The following ATAD2 variants were observed in gnomAD, a reference collection of about 807,000 sequenced individuals.
The protein encoded by ATAD2 is ATPase family AAA domain-containing protein 2.
A neutral mutation model predicts 168.9 loss-of-function variants in ATAD2; 62 were observed. That is an observed-to-expected ratio of 0.37 (90% CI 0.30 to 0.45). ATAD2 has a LOEUF of 0.45. Ranked by LOEUF, ATAD2 falls within the 20% of genes least tolerant of loss-of-function variation. ATAD2 has a pLI of 1.00. For synonymous variants in ATAD2, 613 were observed against 571.6 expected, an observed-to-expected ratio of 1.07 and a Z score of -1.03; for missense variants, 1,419 against 1,667.8, an observed-to-expected ratio of 0.85 and a Z score of 2.60.
intron 5 of ATAD2, 102 bp downstream of exon 5, chr8:123,371,134 T>C: frequency 8.9e-7 from 1 of 1,127,832 alleles, no homozygotes; most frequent in Non-Finnish European, 1.2e-6. Context: ...ACTGATCAAA[T>C]AAATGCTGGA....
At chr8:123,376,438 T>C (rs1829319529) in intron 2 of ATAD2, among the ~76,000 whole-genome samples, 1 of 151,344 alleles carries the variant, frequency 6.6e-6, no homozygotes, top group South Asian at 2.1e-4. Flanking sequence ...GGCACATGAC[T>C]GTAATCCCAG....
chr8:123,396,020 G>A (rs187393399), intron 1 of ATAD2, among the ~76,000 whole-genome samples, 167 bp downstream of exon 1: 182 of 152,272 alleles, frequency 1.2e-3, no homozygotes, highest in African/African-American at 4.2e-3. Context: ...GATCCGACCC[G>A]CACCTCCGAT....
At chr8:123,400,914 C>A, upstream of ATAD2, 1 of 1,404,604 alleles carries the variant, frequency 7.1e-7, no homozygotes. The surrounding 1 kb of genome is among the most constrained non-coding windows in gnomAD (Gnocchi z 4.5). Context: ...TTGAACATGG[C>A]TTCATCACGG....
chr8:123,333,861 A>G lies in ATAD2; in HGVS notation c.3478+17T>C. 6.4e-7 allele frequency: 1 copy of G among 1,567,482 alleles called. No individual in the cohort carries two copies. The highest frequency in any genetic ancestry group is 1.2e-5 in the South Asian group (1 of 83,230). On this transcript the variant is annotated intron_variant, in intron 24 of 27. Coordinates refer to ENST00000287394, the MANE Select transcript of ATAD2 (RefSeq NM_014109.4). ...TAAAGTTATAATTTCATAAATGAAA[A>G]CTACTTGAGTACTTACCAGGAGTGC...
chr8:123,341,691 C>T (rs771302003), intron 19 of ATAD2, among the ~76,000 whole-genome samples: 23 of 152,296 alleles, frequency 1.5e-4, no homozygotes, highest in Middle Eastern at 3.4e-3. Context: ...CCTAGCCTTT[C>T]TTGCAATGAA....
At chr8:123,359,408 C>T (rs1828744187) in intron 10 of ATAD2, 72 bp from the exon 11 acceptor site, 1 of 1,265,498 alleles carries the variant, frequency 7.9e-7, no homozygotes, top group South Asian at 1.3e-5. Flanking sequence ...ACACCATACA[C>T]AGTCAATGAA....
At chr8:123,354,483 A>C (rs1175751319) in intron 13 of ATAD2, among the ~76,000 whole-genome samples, 1 of 152,058 alleles carries the variant, frequency 6.6e-6, no homozygotes, top group Non-Finnish European at 1.5e-5. Context: ...AGACGGGTGG[A>C]TCACCTAAAG....
At chr8:123,322,219 C>T (rs529642574) in intron 27 of ATAD2, among the ~76,000 whole-genome samples, 69 of 152,252 alleles carry the variant, frequency 4.5e-4, no homozygotes, top group African/African-American at 1.6e-3. Flanking sequence ...AACTCCTGGG[C>T]TCAAGCAATC....
chr8:123,331,189 C>T (rs1427096686), intron 24 of ATAD2, among the ~76,000 whole-genome samples: 1 of 152,180 alleles, frequency 6.6e-6, no homozygotes, highest in East Asian at 1.9e-4. Context: ...AATCCACCCA[C>T]CTTGACCTCC....
chr8:123,338,258 G>A (rs1403099210), intron 20 of ATAD2, among the ~76,000 whole-genome samples: 1 of 152,096 alleles, frequency 6.6e-6, no homozygotes, highest in Non-Finnish European at 1.5e-5. Context: ...AGGAGGCTGA[G>A]GCAGGAGAAT....
At chr8:123,374,964 T>C (rs1205785992) in intron 2 of ATAD2, among the ~76,000 whole-genome samples, 2 of 152,052 alleles carry the variant, frequency 1.3e-5, no homozygotes, top group Non-Finnish European at 2.9e-5. Flanking sequence ...TCTAACAATC[T>C]TGATCCTCTG....
intron 1 of ATAD2, chr8:123,401,847 C>A: frequency 2.6e-6 from 2 of 760,818 alleles, no homozygotes; most frequent in South Asian, 1.3e-5. Context: ...AGCAGCCAGG[C>A]ACGATACTTC....
chr8:123,396,802 C>T (rs1179737793), upstream of ATAD2, among the ~76,000 whole-genome samples: 1 of 152,102 alleles, frequency 6.6e-6, no homozygotes, highest in Non-Finnish European at 1.5e-5. Flanking sequence ...TCCGGCGTCT[C>T]CTCCCCACCC....
intron 13 of ATAD2, among the ~76,000 whole-genome samples, chr8:123,354,446 C>G (rs555520741): frequency 3.4e-4 from 51 of 152,184 alleles, no homozygotes; most frequent in Non-Finnish European, 6.8e-4. Context: ...TGGCTCATGC[C>G]TGTAATCCCA....
At chr8:123,323,997 G>T (rs1827542055) in intron 26 of ATAD2, among the ~76,000 whole-genome samples, 1 of 152,150 alleles carries the variant, frequency 6.6e-6, no homozygotes, top group Non-Finnish European at 1.5e-5. Context: ...AATAATAATT[G>T]CTACTCTTAA....
chr8:123,331,180 A>G (rs1031171719), intron 24 of ATAD2, among the ~76,000 whole-genome samples: 1 of 152,040 alleles, frequency 6.6e-6, no homozygotes, highest in Admixed American at 6.5e-5. Flanking sequence ...ACCTCAGGCA[A>G]TCCACCCACC....
chr8:123,352,725 A>C (rs961987764), intron 13 of ATAD2: 2 of 151,500 alleles, frequency 1.3e-5, no homozygotes, highest in Non-Finnish European at 2.9e-5. Context: ...TTAAAAAAAA[A>C]AACAACAAAA....
At chr8:123,368,157 C>T (rs1371351888) in intron 8 of ATAD2, among the ~76,000 whole-genome samples, 2 of 152,150 alleles carry the variant, frequency 1.3e-5, no homozygotes, top group Non-Finnish European at 2.9e-5. Context: ...GTGGCACACA[C>T]CTGTAATCCC....
upstream of ATAD2, among the ~76,000 whole-genome samples, chr8:123,397,240 C>CA (rs71310670): frequency 0.24 from 9,595 of 39,384 alleles, 884 homozygotes; most frequent in Non-Finnish European, 0.29. Flanking sequence ...GACTCTGTCT[C>CA]AAAAAAAAAA....
Sources: allele counts gnomAD v4.1 joint callset (sites outside exome capture counted in the v4.1 genomes callset), GRCh38; gene constraint gnomAD v4.1.1; non-coding constraint Gnocchi (gnomAD v3.1); transcripts MANE v1.5; gene names NCBI Gene and HGNC (gene_info 2026-07-23, HGNC 2026-07-21).